NRXN1: variants seen among roughly 807,000 people sequenced by gnomAD.
The protein encoded by NRXN1 is neurexin 1.
A neutral mutation model predicts 150.9 loss-of-function variants in NRXN1; 39 were observed. The ratio of observed to expected loss-of-function variants is 0.26; its 90% CI spans 0.20 to 0.34. The LOEUF (loss-of-function observed/expected upper bound fraction) is 0.34. Ranked by LOEUF, NRXN1 falls within the 10% of genes least tolerant of loss-of-function variation. The probability of loss-of-function intolerance (pLI) is 1.00; values close to 1 mark genes in which losing one functional copy is unlikely to be tolerated. For synonymous variants in NRXN1, 924 were observed against 757.0 expected, an observed-to-expected ratio of 1.22 and a Z score of -3.62; for missense variants, 1,815 against 1,949.9, an observed-to-expected ratio of 0.93 and a Z score of 1.30.
chr2:50,495,362 GTGTGTGTGTGTGTGTGTGGTGTGT>G (rs2091511384), intron 15 of NRXN1, among the ~76,000 whole-genome samples: 1 of 7,052 alleles, frequency 1.4e-4, no homozygotes. Context: ...GTGTGTGTGT[GTGTGTGTGTGTGTGTGTGGTGTGT>G]GTGTGTGTGT....
chr2:50,910,504 T>A (rs1334749277), intron 5 of NRXN1, among the ~76,000 whole-genome samples: 1 of 151,960 alleles, frequency 6.6e-6, no homozygotes, highest in Non-Finnish European at 1.5e-5. Context: ...GTGGGTCTAC[T>A]TAACTCCAGT....
chr2:49,976,165 G>A (rs1004781081), intron 21 of NRXN1, among the ~76,000 whole-genome samples: 2 of 150,992 alleles, frequency 1.3e-5, no homozygotes, highest in Non-Finnish European at 2.9e-5. Context: ...TGGGATTACA[G>A]GAGAGTGCCA....
At chr2:50,325,274 G>T (rs997682201) in intron 17 of NRXN1, among the ~76,000 whole-genome samples, 3 of 152,194 alleles carry the variant, frequency 2.0e-5, no homozygotes, top group African/African-American at 7.2e-5. Flanking sequence ...TGTTCCCTGT[G>T]CTGAAAAGAC....
chr2:50,780,895 G>A (rs1037620788), intron 5 of NRXN1, among the ~76,000 whole-genome samples: 31 of 152,188 alleles, frequency 2.0e-4, no homozygotes, highest in African/African-American at 6.7e-4. Context: ...AACCTCCTAT[G>A]CATACTACAC....
rs886717770 is a variant in NRXN1 at position 50,974,114 on chromosome 2, T to C, written c.773-48159A>G. ...AACAGAGATCAATGAGGGTGACTCG[T>C]TCAAAGCTCCCTAACTAAAATTAAC... On this transcript the variant is annotated intron_variant, in intron 2 of 22. Coordinates refer to ENST00000401669, the MANE Select transcript of NRXN1 (RefSeq NM_001330078.2). Among the ~76,000 whole-genome samples the C allele has an allele frequency of 3.0e-4, 45 of 152,152 alleles. 1 individual carries two copies. The highest frequency in any genetic ancestry group is 8.8e-5 in the Non-Finnish European group (6 of 68,016).
chr2:50,947,809 T>C (rs889408757), intron 2 of NRXN1, among the ~76,000 whole-genome samples: 1 of 152,004 alleles, frequency 6.6e-6, no homozygotes, highest in South Asian at 2.1e-4. Flanking sequence ...ATGTATAATA[T>C]CTACTTAACA....
intron 18 of NRXN1, chr2:50,174,964 C>T (rs1280635764): frequency 6.6e-6 from 1 of 152,152 alleles, no homozygotes; most frequent in Non-Finnish European, 1.5e-5. Flanking sequence ...CACTATATTA[C>T]CCACATGACC....
At chr2:50,545,423 C>T (rs901045156) in intron 9 of NRXN1, among the ~76,000 whole-genome samples, 7 of 152,094 alleles carry the variant, frequency 4.6e-5, no homozygotes, top group Admixed American at 6.6e-5. Flanking sequence ...ACTAGGTCCG[C>T]GTGTGGTCAG....
At chr2:50,479,146 A>G (rs902780262) in intron 15 of NRXN1, among the ~76,000 whole-genome samples, 23 of 152,236 alleles carry the variant, frequency 1.5e-4, no homozygotes, top group African/African-American at 4.3e-4. Flanking sequence ...ACTTTGAACT[A>G]TCTTTCAAAA....
At chr2:50,070,781 A>AC (rs953526139) in intron 19 of NRXN1, among the ~76,000 whole-genome samples, 1 of 150,996 alleles carries the variant, frequency 6.6e-6, no homozygotes, top group African/African-American at 2.5e-5. Context: ...AAAAAAAAAA[A>AC]AAAAAAAACC....
chr2:50,429,666 CA>C (rs745541985), intron 17 of NRXN1, among the ~76,000 whole-genome samples: 2 of 151,750 alleles, frequency 1.3e-5, no homozygotes, highest in African/African-American at 4.8e-5. Flanking sequence ...TCTTTTTTTA[CA>C]AAAAAATCCT....
At chr2:50,757,555 A>T (rs1330656965) in intron 5 of NRXN1, among the ~76,000 whole-genome samples, 2 of 151,858 alleles carry the variant, frequency 1.3e-5, no homozygotes, top group Non-Finnish European at 2.9e-5. Context: ...AAAAGTAAGT[A>T]CAGAATAAGT....
At chr2:50,591,398 AG>A (rs369082399) in intron 8 of NRXN1, among the ~76,000 whole-genome samples, 8,371 of 151,014 alleles carry the variant, frequency 0.055, 256 homozygotes, top group Middle Eastern at 0.096. Flanking sequence ...ATAGATAGAT[AG>A]ATAGATAGAT....
In NRXN1 at chr2:50,608,501, T is replaced by C. The variant is rs189427858; in HGVS notation, c.1320+11521A>G. ...GTTGTTCATGGGCTTTATTTCCTTT[T>C]AAACTACCTAAAAACTACAGCTTTT... On this transcript the variant is annotated intron_variant, in intron 8 of 22. Transcript: ENST00000401669. 3.8e-4 allele frequency among the ~76,000 whole-genome samples: 57 copies of C among 151,616 alleles called. 1 individual carries two copies. The highest frequency in any genetic ancestry group is 1.3e-3 in the African/African-American group (54 of 41,388).
chr2:50,852,086 G>A (rs1674599538), intron 5 of NRXN1, among the ~76,000 whole-genome samples: 1 of 152,138 alleles, frequency 6.6e-6, no homozygotes, highest in South Asian at 2.1e-4. Context: ...GTTGCCAGAA[G>A]GGGAGAAAAT....
At chr2:49,993,422 G>A (rs1682361705) in intron 21 of NRXN1, among the ~76,000 whole-genome samples, 1 of 152,178 alleles carries the variant, frequency 6.6e-6, no homozygotes, top group African/African-American at 2.4e-5. Flanking sequence ...GGATGAATAG[G>A]CAGAACATAG....
chr2:50,198,835 G>T (rs554108162), intron 18 of NRXN1, among the ~76,000 whole-genome samples: 1 of 152,152 alleles, frequency 6.6e-6, no homozygotes, highest in South Asian at 2.1e-4. Flanking sequence ...GAACCCCCTT[G>T]GGTGAGTGAC....
rs902258146 is a variant in NRXN1, at chr2:50,997,450, G to A, written c.772+30052C>T. Among the ~76,000 whole-genome samples the A allele has an allele frequency of 6.9e-5, 10 of 144,006 alleles. 2 individuals are homozygous for A. Among genetic ancestry groups the A allele is most frequent in the African/African-American group, 2.8e-4 (10 of 35,104 alleles). The allele number at this position is 144,006 out of a possible 152,430, so 94.5% of individuals were successfully genotyped here. A position where few individuals can be genotyped will look rare whatever the true frequency, so the allele number is the denominator to read the frequency against. On this transcript the variant is annotated intron_variant, in intron 2 of 22. Coordinates refer to ENST00000401669, the MANE Select transcript of NRXN1 (RefSeq NM_001330078.2). ...AATATGCAGGTTTTTAAAATTTTTT[G>A]ATTAAAATTTTCCAAAGGAAATAGC... is the stretch of plus-strand genomic sequence containing the variant.
chr2:50,943,731 A>C (rs1689863331), intron 2 of NRXN1, among the ~76,000 whole-genome samples: 1 of 152,180 alleles, frequency 6.6e-6, no homozygotes, highest in Non-Finnish European at 1.5e-5. Flanking sequence ...GCTCATGATC[A>C]CCTAGCCCAG....
Sources: gnomAD v4.1 joint callset for allele counts (sites outside exome capture counted in the v4.1 genomes callset) on GRCh38, gnomAD v4.1.1 for gene constraint, MANE v1.5 for transcripts, NCBI Gene and HGNC (gene_info 2026-07-23, HGNC 2026-07-21) for gene names.